PTGER3: variants seen among roughly 807,000 people sequenced by gnomAD.
PTGER3 encodes prostaglandin E receptor 3.
PTGER3 carries 22 observed loss-of-function variants against 34.7 expected under a neutral mutation model. The observed-to-expected ratio is 0.63, with a 90% CI of 0.45 to 0.91. The LOEUF (loss-of-function observed/expected upper bound fraction) is 0.91. Ranked by LOEUF, PTGER3 falls within the 40% of genes least tolerant of loss-of-function variation. The probability of loss-of-function intolerance (pLI) is 0.00; values close to 1 mark genes in which losing one functional copy is unlikely to be tolerated. For missense variants in PTGER3, 468 were observed against 519.4 expected (o/e 0.90, Z 0.96); for synonymous variants, 241 against 230.1 (o/e 1.05, Z -0.43).
chr1:70,915,162 A>G (rs1647146797), intron 4 of PTGER3, among the ~76,000 whole-genome samples: 1 of 151,892 alleles, frequency 6.6e-6, no homozygotes, highest in African/African-American at 2.4e-5. Context: ...AAAAATCAAG[A>G]ACTGCATAGA....
intron 1 of PTGER3, among the ~76,000 whole-genome samples, chr1:71,035,343 G>T (rs562973633): frequency 3.8e-4 from 58 of 152,062 alleles, no homozygotes; most frequent in African/African-American, 1.4e-3. Flanking sequence ...TATAGTTTTT[G>T]ACATTCTCAA....
intron 4 of PTGER3, among the ~76,000 whole-genome samples, chr1:70,901,615 T>C (rs937682965): frequency 6.6e-6 from 1 of 152,170 alleles, no homozygotes; most frequent in African/African-American, 2.4e-5. Flanking sequence ...AGGCAGTACC[T>C]ACCTTCAAAG....
In PTGER3 at chr1:70,974,256, G is replaced by A. The variant is rs766285717; in HGVS notation, c.1169+41C>T. The A allele has an allele frequency of 5.0e-6, 8 of 1,608,816 alleles. No homozygotes were observed. In the South Asian group the frequency reaches 6.6e-5, roughly 13 times the overall value. ...ACTCCGATTAGAACAGAGAGACGGG[G>A]GAAGGCTATGCTATAAATCCCGGCA... On this transcript the variant is annotated intron_variant, in intron 3 of 3. Coordinates refer to ENST00000306666, the MANE Select transcript of PTGER3 (RefSeq NM_198719.2).
downstream of PTGER3, among the ~76,000 whole-genome samples, chr1:70,970,195 G>T (rs905151877): frequency 1.3e-5 from 2 of 152,086 alleles, no homozygotes; most frequent in East Asian, 1.9e-4. Flanking sequence ...TGAAAAATCG[G>T]TTAAGCCCTT....
intron 4 of PTGER3, among the ~76,000 whole-genome samples, chr1:70,933,007 CAT>C (rs1182201395): frequency 6.6e-6 from 1 of 152,074 alleles, no homozygotes; most frequent in East Asian, 1.9e-4. Flanking sequence ...ATATCAGTAT[CAT>C]ATGTTATATT....
At chr1:70,958,016 C>T (rs1221947000) in intron 2 of PTGER3, among the ~76,000 whole-genome samples, 1 of 151,976 alleles carries the variant, frequency 6.6e-6, no homozygotes, top group Non-Finnish European at 1.5e-5. Context: ...TGATTTCATT[C>T]TGTGTTATGG....
chr1:70,998,865 C>T (rs10789314), intron 2 of PTGER3, among the ~76,000 whole-genome samples: 139,876 of 152,240 alleles, frequency 0.92, 64,391 homozygotes, highest in African/African-American at 0.97. Context: ...ATTATGATGA[C>T]GGTGGATAAG....
intron 1 of PTGER3, among the ~76,000 whole-genome samples, chr1:71,027,796 C>A (rs1242866896): frequency 6.6e-6 from 1 of 152,126 alleles, no homozygotes; most frequent in East Asian, 1.9e-4. Flanking sequence ...AATGTTACAT[C>A]AGCATGTAGT....
intron 4 of PTGER3, chr1:70,852,864 AAAAC>A: frequency 6.2e-7 from 1 of 1,612,928 alleles, no homozygotes; most frequent in Non-Finnish European, 8.5e-7. Flanking sequence ...TTCCTCCTGG[AAAAC>A]AAACAAATCA....
intron 4 of PTGER3, among the ~76,000 whole-genome samples, chr1:70,895,366 GT>G (rs1472879520): frequency 1.3e-5 from 2 of 152,132 alleles, no homozygotes; most frequent in African/African-American, 4.8e-5. Context: ...GAGGAAACTT[GT>G]CTTTGGCTAC....
At chr1:70,929,059 C>A (rs755069494) in intron 4 of PTGER3, among the ~76,000 whole-genome samples, 1 of 152,112 alleles carries the variant, frequency 6.6e-6, no homozygotes. Flanking sequence ...AGGACAGCTG[C>A]AAACTAGAGT....
intron 4 of PTGER3, among the ~76,000 whole-genome samples, chr1:70,903,183 G>A (rs372524808): frequency 6.6e-4 from 101 of 152,296 alleles, no homozygotes; most frequent in African/African-American, 2.4e-3. Flanking sequence ...ACAGCCAACA[G>A]AAGCTGGAAG....
intron 4 of PTGER3, among the ~76,000 whole-genome samples, chr1:70,890,046 C>G (rs1379892325): frequency 6.6e-6 from 1 of 152,140 alleles, no homozygotes; most frequent in African/African-American, 2.4e-5. Flanking sequence ...TTTGGCATTT[C>G]CATGTTGTAC....
rs538000578 is a variant in PTGER3 at position 71,010,185 on chromosome 1, G to A, written c.1077+2120C>T. ...GATGAAAAGTGATATTCTTGTGATA[G>A]TAATGTCCACTATCATTTGGAAGTA... On this transcript the variant is annotated intron_variant, in intron 2 of 3. Transcript: ENST00000306666. 5.3e-5 allele frequency: 52 copies of A among 984,822 alleles called. No homozygotes were observed. In the African/African-American group the frequency reaches 8.7e-4, roughly 17 times the overall value. 61.0% of individuals were successfully genotyped at this position (984,822 alleles called of 1,614,324 possible).
rs948672755 is a variant in PTGER3, at chr1:70,971,845, A to G, written c.1170-112T>C. ...TAAGTAATAAATTTGTTTGCTTTAA[A>G]CGTTTAAAACATTCTCTTTTGAAGT... On this transcript the variant is annotated intron_variant, in intron 3 of 3. Transcript: ENST00000306666. The G allele has an allele frequency of 1.5e-5, 10 of 683,212 alleles. No homozygotes were observed. The African/African-American group carries it at 1.9e-4, about 13-fold the overall frequency. 42.3% of individuals were successfully genotyped at this position (683,212 alleles called of 1,614,324 possible).
At chr1:70,860,241 T>G (rs938643581) in intron 4 of PTGER3, among the ~76,000 whole-genome samples, 2 of 152,236 alleles carry the variant, frequency 1.3e-5, no homozygotes, top group Admixed American at 1.3e-4. Flanking sequence ...ATGGTCAAAT[T>G]AGAACTTTTT....
At chr1:70,865,347 G>T (rs945010738) in intron 4 of PTGER3, among the ~76,000 whole-genome samples, 1 of 152,098 alleles carries the variant, frequency 6.6e-6, no homozygotes, top group Admixed American at 6.5e-5. Context: ...AGTGAGGAAG[G>T]ATAGGTTTAG....
At chr1:71,034,505 T>C (rs11209739) in intron 1 of PTGER3, among the ~76,000 whole-genome samples, 55,589 of 152,084 alleles carry the variant, frequency 0.37, 11,237 homozygotes, top group South Asian at 0.47. Context: ...GCTAATATAA[T>C]TGTTGATCCA....
intron 2 of PTGER3, among the ~76,000 whole-genome samples, chr1:70,981,760 G>A (rs1654393382): frequency 6.6e-6 from 1 of 151,912 alleles, no homozygotes; most frequent in Admixed American, 6.6e-5. Context: ...GCTAACATAA[G>A]TTTTGATCTA....
Sources: gnomAD v4.1 joint callset for allele counts (sites outside exome capture counted in the v4.1 genomes callset) on GRCh38, gnomAD v4.1.1 for gene constraint, MANE v1.5 for transcripts, NCBI Gene and HGNC (gene_info 2026-07-23, HGNC 2026-07-21) for gene names.